TRMT44: variants seen among roughly 807,000 people sequenced by gnomAD.
The protein encoded by TRMT44 is probable tRNA (uracil-O(2)-)-methyltransferase.
Under a neutral mutation model 77.3 loss-of-function variants are expected in TRMT44, and 78 were observed. That is an observed-to-expected ratio of 1.01 (90% CI 0.84 to 1.22). The LOEUF is 1.22. TRMT44 is among the 50% of genes most tolerant of loss of function. TRMT44 has a pLI of 0.00. For missense variants in TRMT44, 1,090 were observed against 964.4 expected, an observed-to-expected ratio of 1.13 and a Z score of -1.73; for synonymous variants, 391 against 383.3, an observed-to-expected ratio of 1.02 and a Z score of -0.23.
chr4:8,471,127 G>C lies in TRMT44; in HGVS notation c.1971G>C (p.Glu657Asp). ...AAGTAGCCAACGAGCTGGACACGGA[G>C]ACCCTGCGGAGGCTGAAGCGGGAGT... ...LAEVANELDT[E>D]TLRRLKRECG... Residue 657 changes from glutamate (E) to aspartate (D), a missense_variant, in exon 10 of 11, where the codon GAG (glutamate) becomes GAC (aspartate). Transcript: ENST00000389737. 1.2e-6 allele frequency: 2 copies of C among 1,608,660 alleles called. No individual in the cohort carries two copies. Among genetic ancestry groups the C allele is most frequent in the Non-Finnish European group, 1.7e-6 (2 of 1,177,298 alleles).
chr4:8,503,859 C>A, the TRMT44 span, among the ~76,000 whole-genome samples: 1 of 152,224 alleles, frequency 6.6e-6, no homozygotes, highest in Non-Finnish European at 1.5e-5. Context: ...GGCTCTGAGC[C>A]CCTCTTGTTC....
intron 8 of TRMT44, among the ~76,000 whole-genome samples, chr4:8,466,946 G>A (rs1032297239): frequency 6.6e-5 from 10 of 152,336 alleles, no homozygotes; most frequent in East Asian, 1.9e-4. Context: ...TGGCTGTCAC[G>A]TAGTGAGGAG....
At position 8,444,321 on chromosome 4, in the gene TRMT44, A is replaced by G. The variant is rs1330730146; in HGVS notation, c.620-2155A>G. Among the ~76,000 whole-genome samples the G allele has an allele frequency of 6.6e-6, 1 of 152,156 alleles. No individual in the cohort carries two copies. The highest frequency in any genetic ancestry group is 1.5e-5 in the Non-Finnish European group (1 of 68,022). ...GGGAGAGGTGGGATGGTTAAAGTGT[A>G]CAAAAAAAATAGAATATGAATAACA... is the stretch of plus-strand genomic sequence containing the variant. On this transcript the variant is annotated intron_variant, in intron 1 of 10. Coordinates refer to ENST00000389737, the MANE Select transcript of TRMT44 (RefSeq NM_152544.3). The surrounding 1 kb of genome is among the most constrained non-coding windows in gnomAD (Gnocchi z 4.0).
the TRMT44 span, among the ~76,000 whole-genome samples, chr4:8,513,373 A>G: frequency 3.2e-4 from 49 of 152,368 alleles, no homozygotes; most frequent in African/African-American, 1.2e-3. Context: ...AGAACAGCAC[A>G]GGAAAGACTG....
At chr4:8,509,024 A>G in the TRMT44 span, 1 of 152,262 alleles carries the variant, frequency 6.6e-6, no homozygotes, top group African/African-American at 2.4e-5. Context: ...TCTTGAGCAG[A>G]TGACAGAGTA....
chr4:8,464,451 C>A (rs1215126829), intron 7 of TRMT44, among the ~76,000 whole-genome samples: 1 of 152,160 alleles, frequency 6.6e-6, no homozygotes, highest in Non-Finnish European at 1.5e-5. Context: ...TGAGGCTTTG[C>A]CTTTAAAGGG....
At chr4:8,470,079 G>C (rs1726879143) in intron 9 of TRMT44, among the ~76,000 whole-genome samples, 1 of 152,266 alleles carries the variant, frequency 6.6e-6, no homozygotes, top group East Asian at 1.9e-4. Flanking sequence ...CTGAGTGTGA[G>C]ATTCCCTGTT....
chr4:8,488,581 G>A (rs1035744759), intron 2 of TRMT44, among the ~76,000 whole-genome samples: 2 of 152,216 alleles, frequency 1.3e-5, no homozygotes, highest in African/African-American at 4.8e-5. Context: ...GTGGTGGAAT[G>A]TCATCAGTTA....
At chr4:8,480,249 A>G (rs1727570753), downstream of TRMT44, among the ~76,000 whole-genome samples, 2 of 152,216 alleles carry the variant, frequency 1.3e-5, no homozygotes, top group Admixed American at 1.3e-4. Context: ...AAAAAGCTTT[A>G]GAGCAGGAAA....
chr4:8,461,884 A>T lies in TRMT44; in HGVS notation c.1204-2101A>T, dbSNP rs899562742. 9.2e-5 allele frequency among the ~76,000 whole-genome samples: 14 copies of T among 152,116 alleles called. No homozygotes were observed. The highest frequency in any genetic ancestry group is 7.4e-5 in the Non-Finnish European group (5 of 68,014). The stretch of plus-strand genomic sequence containing the variant: ...AATGATTTCCTTCCAGCTGCAGTTG[A>T]GTGGTTTCCACGAACAGGTACAATC... On this transcript the variant is annotated intron_variant, in intron 6 of 10. Coordinates refer to ENST00000389737, the MANE Select transcript of TRMT44 (RefSeq NM_152544.3). The surrounding 1 kb of genome is among the most constrained non-coding windows in gnomAD (Gnocchi z 4.6).
In TRMT44 at chr4:8,441,059, C is replaced by T. The variant is rs989382425; in HGVS notation, c.237C>T (p.Pro79=). 3 of 1,486,036 alleles carry T rather than the reference C, an allele frequency of 2.0e-6. No homozygotes were observed. The highest frequency in any genetic ancestry group is 2.7e-6 in the Non-Finnish European group (3 of 1,124,440). 92.1% of individuals were successfully genotyped at this position (1,486,036 alleles called of 1,614,324 possible). A position where few individuals can be genotyped will look rare whatever the true frequency, so the allele number is the denominator to read the frequency against. ...GTCCGGGACCCGGCCAGGGTTCCCC[C>T]GGAGGGGGCCCGGGTCCCAGGTCGC... The part of the protein sequence containing the change: ...ERGPGPGQGS[P]GGGPGPRSLS... Residue 79 remains proline, a synonymous_variant, in exon 1 of 11, where the codon CCC becomes CCT. Coordinates refer to ENST00000389737, the MANE Select transcript of TRMT44 (RefSeq NM_152544.3).
chr4:8,459,731 A>G (rs1726033134), intron 6 of TRMT44, among the ~76,000 whole-genome samples: 1 of 152,184 alleles, frequency 6.6e-6, no homozygotes, highest in African/African-American at 2.4e-5. Context: ...ACAGCTGTAC[A>G]CATTTATCAC....
intron 2 of TRMT44, among the ~76,000 whole-genome samples, chr4:8,449,398 G>A (rs758705141): frequency 6.6e-6 from 1 of 152,242 alleles, no homozygotes; most frequent in Non-Finnish European, 1.5e-5. Flanking sequence ...GAAGCAGCAG[G>A]AGAGAGGCCT....
chr4:8,506,016 C>T, the TRMT44 span, among the ~76,000 whole-genome samples: 1 of 152,222 alleles, frequency 6.6e-6, no homozygotes, highest in Non-Finnish European at 1.5e-5. Flanking sequence ...AATTATCCAG[C>T]CTTGGGTATT....
chr4:8,485,654 A>G (rs908019045), intron 2 of TRMT44, among the ~76,000 whole-genome samples: 5 of 152,134 alleles, frequency 3.3e-5, no homozygotes, highest in Non-Finnish European at 7.3e-5. Flanking sequence ...GAAGATGCGA[A>G]GGAGGCTTTG....
At chr4:8,455,227 C>A (rs535474660) in intron 6 of TRMT44, among the ~76,000 whole-genome samples, 12 of 152,322 alleles carry the variant, frequency 7.9e-5, no homozygotes, top group African/African-American at 2.6e-4. Context: ...GATGGGGACA[C>A]CTGCAGATGA....
intron 10 of TRMT44, among the ~76,000 whole-genome samples, chr4:8,474,970 C>G: frequency 6.6e-6 from 1 of 152,184 alleles, no homozygotes; most frequent in East Asian, 1.9e-4. Context: ...GGAGATCAGC[C>G]CTGGCCATTG....
At chr4:8,445,536 C>A (rs1345922462) in intron 1 of TRMT44, among the ~76,000 whole-genome samples, 1 of 152,240 alleles carries the variant, frequency 6.6e-6, no homozygotes, top group African/African-American at 2.4e-5. Flanking sequence ...AATTGCTGCT[C>A]CTGTGTCTGA....
chr4:8,470,055 G>C (rs1226673533), intron 9 of TRMT44, among the ~76,000 whole-genome samples: 1 of 152,288 alleles, frequency 6.6e-6, no homozygotes, highest in Non-Finnish European at 1.5e-5. Flanking sequence ...TGCCAGGCCA[G>C]GAGGCACCCA....
Sources: allele counts gnomAD v4.1 joint callset (sites outside exome capture counted in the v4.1 genomes callset), GRCh38; gene constraint gnomAD v4.1.1; non-coding constraint Gnocchi (gnomAD v3.1); transcripts MANE v1.5; gene names NCBI Gene and HGNC (gene_info 2026-07-23, HGNC 2026-07-21).